COPG2: variants seen among roughly 807,000 people sequenced by gnomAD.
COPG2 encodes coat protein complex I subunit gamma 2.
Under a neutral mutation model 46.3 loss-of-function variants are expected in COPG2, and 37 were observed. That is an observed-to-expected ratio of 0.80 (90% CI 0.61 to 1.05). The LOEUF is 1.05. Among genes scored for constraint, COPG2 ranks in the 50% least tolerant of loss-of-function variants. The pLI, the probability that COPG2 is intolerant of heterozygous loss-of-function variation, is 0.00. For missense variants in COPG2, 427 were observed against 387.8 expected (o/e 1.10, Z -0.85); for synonymous variants, 159 against 129.7 (o/e 1.23, Z -1.53).
At chr7:130,585,103 T>G (rs2116447601) in intron 9 of COPG2, among the ~76,000 whole-genome samples, 1 of 152,178 alleles carries the variant, frequency 6.6e-6, no homozygotes, top group Middle Eastern at 3.4e-3. Context: ...AGCAAGGTAC[T>G]GGTATAAAAA....
chr7:130,511,622 A>G (rs1554441024), intron 20 of COPG2: 1 of 518,250 alleles, frequency 1.9e-6, no homozygotes, highest in Non-Finnish European at 3.9e-6. Flanking sequence ...ACAGGAAGGT[A>G]AGACAGCATT....
chr7:130,624,228 T>C (rs1237950658), intron 5 of COPG2, among the ~76,000 whole-genome samples: 13 of 152,140 alleles, frequency 8.5e-5, no homozygotes, highest in African/African-American at 1.2e-4. Flanking sequence ...AGGTTAGGAA[T>C]TGAAAATACA....
intron 9 of COPG2, among the ~76,000 whole-genome samples, chr7:130,577,510 C>T (rs1354856772): frequency 6.6e-6 from 1 of 152,054 alleles, no homozygotes; most frequent in Non-Finnish European, 1.5e-5. Context: ...GCCTGTAATC[C>T]CAGCACTTTG....
intron 20 of COPG2, among the ~76,000 whole-genome samples, chr7:130,530,486 A>C: frequency 1.3e-5 from 2 of 152,346 alleles, no homozygotes; most frequent in Admixed American, 1.3e-4. Context: ...AACAGAAAAC[A>C]GTTCTTGAAG....
chr7:130,529,570 T>C (rs938273616), intron 20 of COPG2, among the ~76,000 whole-genome samples: 3 of 152,138 alleles, frequency 2.0e-5, no homozygotes, highest in African/African-American at 7.2e-5. Flanking sequence ...TCAGGATACG[T>C]TGGTGGTATG....
chr7:130,660,537 C>T (rs1239954105), intron 4 of COPG2, among the ~76,000 whole-genome samples: 2 of 152,146 alleles, frequency 1.3e-5, no homozygotes, highest in Non-Finnish European at 2.9e-5. Context: ...TACTATGTCA[C>T]CTGCTACCAT....
At chr7:130,590,307 C>A (rs1340957555) in intron 9 of COPG2, among the ~76,000 whole-genome samples, 1 of 151,378 alleles carries the variant, frequency 6.6e-6, no homozygotes, top group Non-Finnish European at 1.5e-5. Context: ...TCATGCCGAG[C>A]CGAAGCTGGA....
In COPG2 at chr7:130,649,263, G is replaced by A. The variant is rs142170098; in HGVS notation, c.323+3606C>T. 7.8e-3 allele frequency among the ~76,000 whole-genome samples: 1,183 copies of A among 152,270 alleles called. 7 individuals are homozygous for A. Among genetic ancestry groups the A allele is most frequent in the Non-Finnish European group, 0.011 (778 of 68,010 alleles). The stretch of plus-strand genomic sequence containing the variant: ...TCCTTTGGCTTTTTCTTTAGAGCAC[G>A]TTTTCCTGACCGTGAAACTCCTGAC... On this transcript the variant is annotated intron_variant, in intron 5 of 23. Transcript: ENST00000425248.
intron 20 of COPG2, among the ~76,000 whole-genome samples, chr7:130,527,191 G>A (rs1341775113): frequency 6.6e-6 from 1 of 151,706 alleles, no homozygotes; most frequent in Non-Finnish European, 1.5e-5. Flanking sequence ...GGTAGGTGGG[G>A]CCACAAGTGT....
intron 5 of COPG2, among the ~76,000 whole-genome samples, chr7:130,621,915 C>T (rs999125659): frequency 2.1e-5 from 3 of 143,412 alleles, no homozygotes; most frequent in Non-Finnish European, 3.0e-5. Context: ...CTGTACTCCA[C>T]CCTGGGAGAC....
chr7:130,574,219 T>A (rs1004815117), intron 9 of COPG2, among the ~76,000 whole-genome samples: 2 of 152,202 alleles, frequency 1.3e-5, no homozygotes, highest in Admixed American at 6.5e-5. Context: ...TGATGCATGC[T>A]ACAACACAGT....
intron 9 of COPG2, among the ~76,000 whole-genome samples, chr7:130,588,787 A>G (rs868982386): frequency 1.3e-5 from 2 of 151,234 alleles, no homozygotes; most frequent in African/African-American, 4.9e-5. Flanking sequence ...CCTAAAACTT[A>G]AAGTATAATA....
intron 9 of COPG2, among the ~76,000 whole-genome samples, chr7:130,578,715 A>G (rs145536630): frequency 0.016 from 2,470 of 152,322 alleles, 68 homozygotes; most frequent in African/African-American, 0.057. Context: ...AAGCCTCAGG[A>G]GCCAATGCGA....
intron 17 of COPG2, 96 bp from the exon 18 acceptor site, chr7:130,549,472 G>A (rs1258923648): frequency 2.5e-6 from 1 of 397,208 alleles, no homozygotes; most frequent in Non-Finnish European, 4.4e-6. Flanking sequence ...ATTTCTAGCA[G>A]ATATATAATG....
intron 9 of COPG2, among the ~76,000 whole-genome samples, chr7:130,601,956 G>A (rs901738477): frequency 6.6e-6 from 1 of 152,154 alleles, no homozygotes; most frequent in African/African-American, 2.4e-5. Context: ...CAACAGCCAG[G>A]GAGAAACTGA....
chr7:130,517,960 A>G (rs895829159), intron 20 of COPG2, among the ~76,000 whole-genome samples: 4 of 151,252 alleles, frequency 2.6e-5, no homozygotes, highest in African/African-American at 4.9e-5. Flanking sequence ...TAGATGGTGA[A>G]GAGCAGCGAA....
chr7:130,516,510 G>T (rs1185189813), intron 20 of COPG2, among the ~76,000 whole-genome samples: 1 of 152,200 alleles, frequency 6.6e-6, no homozygotes, highest in East Asian at 1.9e-4. Context: ...AAAAGTGAGA[G>T]AAGCAACTGA....
intron 20 of COPG2, among the ~76,000 whole-genome samples, chr7:130,517,530 A>G (rs1799689566): frequency 3.9e-5 from 6 of 152,220 alleles, no homozygotes; most frequent in African/African-American, 1.4e-4. Flanking sequence ...TTTTATTAAG[A>G]TGAATTCTCC....
At chr7:130,651,296 A>G (rs1245874734) in intron 5 of COPG2, among the ~76,000 whole-genome samples, 1 of 151,724 alleles carries the variant, frequency 6.6e-6, no homozygotes, top group African/African-American at 2.4e-5. Context: ...ACTTCTATCC[A>G]CATTTTTTAT....
Sources: gnomAD v4.1 joint callset for allele counts (sites outside exome capture counted in the v4.1 genomes callset) on GRCh38, gnomAD v4.1.1 for gene constraint, MANE v1.5 for transcripts, NCBI Gene and HGNC (gene_info 2026-07-23, HGNC 2026-07-21) for gene names.